DOCK4: variants seen among roughly 807,000 people sequenced by gnomAD.
DOCK4 encodes the protein dedicator of cytokinesis 4.
In DOCK4, 97 loss-of-function variants were observed where a neutral mutation model predicts 268.1. The observed-to-expected ratio is 0.36, with a 90% CI of 0.31 to 0.43. The LOEUF (loss-of-function observed/expected upper bound fraction) is 0.43. DOCK4 is among the 20% of genes least tolerant of loss of function. The pLI, the probability that DOCK4 is intolerant of heterozygous loss-of-function variation, is 1.00. For missense variants in DOCK4, 2,145 were observed against 2,455.7 expected, an observed-to-expected ratio of 0.87 and a Z score of 2.67; for synonymous variants, 954 against 887.2, an observed-to-expected ratio of 1.08 and a Z score of -1.34.
intron 27 of DOCK4, among the ~76,000 whole-genome samples, chr7:111,818,334 C>G (rs768266829): frequency 3.9e-5 from 6 of 152,188 alleles, no homozygotes; most frequent in Non-Finnish European, 8.8e-5. Flanking sequence ...TACATCTCCA[C>G]TTGAATATCT....
At chr7:112,090,726 A>T (rs2135757183) in intron 1 of DOCK4, among the ~76,000 whole-genome samples, 1 of 152,342 alleles carries the variant, frequency 6.6e-6, no homozygotes. Flanking sequence ...AGCTATAAAC[A>T]TAGTGCCTGG....
chr7:111,869,476 C>A, intron 21 of DOCK4, 98 bp downstream of exon 21: 2 of 999,474 alleles, frequency 2.0e-6, no homozygotes, highest in Non-Finnish European at 3.1e-6. Context: ...AGTAATACAT[C>A]ATCACCCATT....
chr7:111,890,876 C>A (rs932265063), intron 16 of DOCK4, among the ~76,000 whole-genome samples: 2 of 152,182 alleles, frequency 1.3e-5, no homozygotes, highest in Admixed American at 6.5e-5. Flanking sequence ...TTAACCAATA[C>A]TCTACTACAA....
At chr7:112,040,801 A>T (rs1424984449) in intron 1 of DOCK4, among the ~76,000 whole-genome samples, 1 of 152,252 alleles carries the variant, frequency 6.6e-6, no homozygotes, top group Non-Finnish European at 1.5e-5. Flanking sequence ...TAGTTCATGC[A>T]GTATTACTCC....
chr7:112,020,748 A>G (rs1802250630), intron 1 of DOCK4, among the ~76,000 whole-genome samples: 1 of 151,690 alleles, frequency 6.6e-6, no homozygotes, highest in Non-Finnish European at 1.5e-5. Flanking sequence ...TGGGCTTTTC[A>G]GGGAGCAAGA....
At chr7:112,165,472 A>G (rs1817509435) in intron 1 of DOCK4, among the ~76,000 whole-genome samples, 1 of 151,078 alleles carries the variant, frequency 6.6e-6, no homozygotes. Flanking sequence ...AGCTCCATTC[A>G]TGTTACTGCA....
At chr7:111,821,683 C>T (rs1005794354) in intron 27 of DOCK4, 2 of 152,182 alleles carry the variant, frequency 1.3e-5, no homozygotes, top group African/African-American at 4.8e-5. Flanking sequence ...TCCCAAATGC[C>T]TGTATTTTGT....
chr7:112,176,425 C>T (rs1818512735), intron 1 of DOCK4, among the ~76,000 whole-genome samples: 1 of 152,158 alleles, frequency 6.6e-6, no homozygotes, highest in Admixed American at 6.6e-5. Flanking sequence ...CCAAAGACAA[C>T]ATAAAACTGG....
chr7:111,760,377 C>A, intron 39 of DOCK4, 55 bp from the exon 40 acceptor site: 1 of 1,562,030 alleles, frequency 6.4e-7, no homozygotes, highest in Non-Finnish European at 8.7e-7. Context: ...GGATTACAGA[C>A]AGAGCCAAAA....
intron 1 of DOCK4, among the ~76,000 whole-genome samples, chr7:112,023,991 G>A (rs1199820490): frequency 5.3e-5 from 8 of 152,200 alleles, no homozygotes; most frequent in Non-Finnish European, 1.0e-4. Context: ...TGTTCAATGC[G>A]TGTCCTTCCT....
intron 12 of DOCK4, among the ~76,000 whole-genome samples, chr7:111,933,204 G>A (rs551598674): frequency 2.9e-4 from 35 of 120,184 alleles, no homozygotes; most frequent in Admixed American, 1.7e-3. Flanking sequence ...ACATATATAC[G>A]TATATACACA....
At position 111,770,829 on chromosome 7, in the gene DOCK4, C is replaced by T. The variant is rs536430103; in HGVS notation, c.3680-1152G>A. Among the ~76,000 whole-genome samples the T allele has an allele frequency of 4.6e-5, 7 of 152,262 alleles. No homozygotes were observed. In the South Asian group the frequency reaches 1.5e-3, roughly 32 times the overall value. On this transcript the variant is annotated intron_variant, in intron 36 of 52. Coordinates refer to ENST00000428084, the MANE Select transcript of DOCK4 (RefSeq NM_001363540.2). ...CTTCATTTATTTGCCTTTAGGGTAA[C>T]TACACATAAAGCCCTAAAGTAATAT...
chr7:112,182,314 G>A (rs2523022), intron 1 of DOCK4, among the ~76,000 whole-genome samples: 5,777 of 152,270 alleles, frequency 0.038, 363 homozygotes, highest in African/African-American at 0.13. Flanking sequence ...TTAAAAGACA[G>A]CTAGATTTAT....
At chr7:111,896,489 T>C (rs1010288121) in intron 15 of DOCK4, among the ~76,000 whole-genome samples, 58 of 147,078 alleles carry the variant, frequency 3.9e-4, no homozygotes, top group African/African-American at 1.1e-3. Flanking sequence ...CCACCAAGGT[T>C]TTTTTTTTTT....
chr7:112,008,948 G>A (rs926596089), intron 1 of DOCK4, among the ~76,000 whole-genome samples: 7 of 152,200 alleles, frequency 4.6e-5, no homozygotes, highest in African/African-American at 7.2e-5. Flanking sequence ...AGCTGAGATC[G>A]TGCCACTGCA....
Position 112,206,215 on chromosome 7 carries a change from C to G in DOCK4, c.-77G>C, listed in dbSNP as rs945386392. 3.4e-6 allele frequency: 5 copies of G among 1,479,990 alleles called. No individual in the cohort carries two copies. The highest frequency in any genetic ancestry group is 2.0e-5 in the Admixed American group (1 of 50,590). The allele number at this position is 1,479,990 out of a possible 1,614,324, so 91.7% of individuals were successfully genotyped here. A position where few individuals can be genotyped will look rare whatever the true frequency, so the allele number is the denominator to read the frequency against. On this transcript the variant is annotated 5_prime_UTR_variant, in exon 1 of 53. Coordinates refer to ENST00000428084, the MANE Select transcript of DOCK4 (RefSeq NM_001363540.2). The stretch of plus-strand genomic sequence containing the variant: ...CCGGCTCACAACAATGCACAGTCCC[C>G]GAGCAGCGCTGCAGTGCCGGAGCCC...
chr7:111,895,189 A>G (rs1394316322), intron 16 of DOCK4, among the ~76,000 whole-genome samples: 3 of 152,226 alleles, frequency 2.0e-5, no homozygotes, highest in Non-Finnish European at 4.4e-5. Flanking sequence ...ATGATGAAAT[A>G]CAGCCACTTC....
chr7:112,183,892 T>G (rs1166118624), intron 1 of DOCK4, among the ~76,000 whole-genome samples: 1 of 152,174 alleles, frequency 6.6e-6, no homozygotes, highest in Non-Finnish European at 1.5e-5. Context: ...AGGAATACCC[T>G]CTCCTATTTC....
At chr7:111,733,710 A>G (rs1366668175) in intron 51 of DOCK4, among the ~76,000 whole-genome samples, 2 of 152,210 alleles carry the variant, frequency 1.3e-5, no homozygotes, top group African/African-American at 2.4e-5. Context: ...CTTTAGGGAC[A>G]CAACCAGGTT....
Sources: allele counts gnomAD v4.1 joint callset (sites outside exome capture counted in the v4.1 genomes callset), GRCh38; gene constraint gnomAD v4.1.1; transcripts MANE v1.5; gene names NCBI Gene and HGNC (gene_info 2026-07-23, HGNC 2026-07-21).